The following ANKLE2 variants were observed in gnomAD, a reference collection of about 807,000 sequenced individuals.
ANKLE2 encodes ankyrin repeat and LEM domain containing 2, also known as ankyrin repeat and LEM domain-containing protein 2.
ANKLE2 carries 55 observed loss-of-function variants against 84.2 expected under a neutral mutation model. The observed-to-expected ratio is 0.65, with a 90% CI of 0.53 to 0.82. ANKLE2 has a LOEUF of 0.82. Among genes scored for constraint, ANKLE2 ranks in the 40% least tolerant of loss-of-function variants. The pLI is 0.00. For missense variants in ANKLE2, 1,238 were observed against 1,201.9 expected, an observed-to-expected ratio of 1.03 and a Z score of -0.44; for synonymous variants, 551 against 486.1, an observed-to-expected ratio of 1.13 and a Z score of -1.76.
chr12:132,752,041 T>C (rs2044368678), intron 2 of ANKLE2, among the ~76,000 whole-genome samples: 1 of 152,114 alleles, frequency 6.6e-6, no homozygotes, highest in South Asian at 2.1e-4. Flanking sequence ...TGTCCACTAC[T>C]GGATAAAAAT....
intron 10 of ANKLE2, chr12:132,733,934 C>T (rs1286869838): frequency 2.2e-6 from 1 of 456,720 alleles, no homozygotes; most frequent in Non-Finnish European, 4.4e-6. Context: ...AGCAATACTG[C>T]TCAAAGCGAT....
rs1433645713 is a variant in ANKLE2, at chr12:132,761,624, CG to C, written c.174del (p.Ala59ProfsTer5). 8.8e-6 allele frequency: 11 copies of C among 1,255,518 alleles called. No homozygotes were observed. The highest frequency in any genetic ancestry group is 1.0e-5 in the Non-Finnish European group (10 of 1,000,118). The allele number at this position is 1,255,518 out of a possible 1,614,324, so 77.8% of individuals were successfully genotyped here. A position where few individuals can be genotyped will look rare whatever the true frequency, so the allele number is the denominator to read the frequency against. On this transcript the variant is annotated frameshift_variant, in exon 1 of 13. Coordinates refer to ENST00000357997, the MANE Select transcript of ANKLE2 (RefSeq NM_015114.3). LOFTEE classifies it high-confidence loss of function. ...GCGACCGCCTGGGCCTTACCTGAGG[CG>C]GGGGCGGCGGCCGCGCTTGGCGGAG... ...PVPPPSAAAA[P>X]ASGEMTMDAL...
intron 10 of ANKLE2, among the ~76,000 whole-genome samples, chr12:132,732,693 G>A: frequency 8.8e-6 from 1 of 113,306 alleles, no homozygotes; most frequent in Non-Finnish European, 1.9e-5. Flanking sequence ...TCTGCGTCCT[G>A]GTGTCTGATA....
Position 132,761,708 on chromosome 12 carries a change from G to GC in ANKLE2, c.90dup (p.Leu31AlafsTer32). The GC allele has an allele frequency of 7.4e-7, 1 of 1,349,836 alleles. No individual in the cohort carries two copies. The highest frequency in any genetic ancestry group is 9.6e-7 in the Non-Finnish European group (1 of 1,042,884). The allele number at this position is 1,349,836 out of a possible 1,614,324, so 83.6% of individuals were successfully genotyped here. On this transcript the variant is annotated frameshift_variant, in exon 1 of 13. Coordinates refer to ENST00000357997, the MANE Select transcript of ANKLE2 (RefSeq NM_015114.3). LOFTEE classifies it high-confidence loss of function. ...GGCCGCGGGCCCAGCCGCCGCACCA[G>GC]CCACCGCACAGCGATCAGCAGCACC... is the stretch of plus-strand genomic sequence containing the variant.
At position 132,750,655 on chromosome 12, in the gene ANKLE2, C is replaced by A. The variant is rs2044334859; in HGVS notation, c.835G>T (p.Asp279Tyr). ...CTGCATGATTTACCTTTCAACCTGT[C>A]ATTGCTAAAGAGTGGAGCTGTTTTC... is the stretch of plus-strand genomic sequence containing the variant. ...PVKTAPLFSN[D>Y]RLKDGLCLSE... Residue 279 changes from aspartate (D) to tyrosine (Y), a missense_variant, in exon 3 of 13, where the codon GAC becomes TAC. Transcript: ENST00000357997. 1 of 1,614,048 alleles carries A rather than the reference C, an allele frequency of 6.2e-7. No homozygotes were observed. Among genetic ancestry groups the A allele is most frequent in the African/African-American group, 1.3e-5 (1 of 74,932 alleles).
Position 132,729,722 on chromosome 12 carries a change from G to A in ANKLE2, c.2440C>T (p.Leu814Phe). The change falls in exon 11 of 13, where the codon CTC (leucine) becomes TTC (phenylalanine). Residue 814 changes from leucine (L) to phenylalanine (F), a missense_variant. By Grantham distance (22) the Leu-to-Phe change is conservative. This residue lies in a region of ANKLE2 where 802 missense variants were observed against 774.5 expected (regional missense o/e 1.04). Coordinates refer to ENST00000357997, the MANE Select transcript of ANKLE2 (RefSeq NM_015114.3). ...SPSSPRHEDQ[L>F]EVTREPARRL... ...CTGGCCGGTTCCCTGGTGACCTCGA[G>A]CTGATCCTCGTGCCTGGGGCTGCTG... 6.2e-7 allele frequency: 1 copy of A among 1,610,338 alleles called. No homozygotes were observed. Among genetic ancestry groups the A allele is most frequent in the Non-Finnish European group, 8.5e-7 (1 of 1,179,222 alleles).
At position 132,728,094 on chromosome 12, in the gene ANKLE2, C is replaced by T; in HGVS notation, c.2553G>A (p.Gln851=). Residue 851 remains glutamine, a synonymous_variant, in exon 12 of 13, where the codon CAG becomes CAA. Coordinates refer to ENST00000357997, the MANE Select transcript of ANKLE2 (RefSeq NM_015114.3). The part of the protein sequence containing the change: ...ALECADVDPH[Q]FPAVHRWKSA... ...TCTTCCATCTGTGCACGGCCGGGAACTGATGGGGGTCGACGTCTGCACATT... is the reference window on the plus strand; with the variant it reads ...TCTTCCATCTGTGCACGGCCGGGAATTGATGGGGGTCGACGTCTGCACATT... 5.0e-6 allele frequency: 8 copies of T among 1,613,032 alleles called. No homozygotes were observed. The highest frequency in any genetic ancestry group is 6.8e-6 in the Non-Finnish European group (8 of 1,179,954).
intron 8 of ANKLE2, among the ~76,000 whole-genome samples, chr12:132,736,386 A>C (rs1349328329): frequency 6.6e-6 from 1 of 152,270 alleles, no homozygotes; most frequent in Non-Finnish European, 1.5e-5. Context: ...TGACCCAGCA[A>C]CACCACCATT....
At chr12:132,741,618 C>T (rs2044124745) in intron 6 of ANKLE2, 133 bp from the exon 7 acceptor site, 6 of 878,434 alleles carry the variant, frequency 6.8e-6, no homozygotes, top group Non-Finnish European at 8.9e-6. Context: ...TAATAAAGCT[C>T]ACACTCAGAA....
chr12:132,748,406 A>C lies in ANKLE2; in HGVS notation c.848-75T>G, dbSNP rs538145282. On this transcript the variant is annotated intron_variant, in intron 3 of 12. Transcript: ENST00000357997. The stretch of plus-strand genomic sequence containing the variant: ...CTCATCACCCATGCACCCTCTGATG[A>C]GGGATAAGCAGCTTTCCACAGAGGC... 43 of 1,537,200 alleles carry C rather than the reference A, an allele frequency of 2.8e-5. No homozygotes were observed. The African/African-American group carries it at 5.2e-4, about 18-fold the overall frequency.
intron 9 of ANKLE2, 38 bp downstream of exon 9, chr12:132,735,368 T>C (rs376887712): frequency 3.9e-6 from 6 of 1,553,864 alleles, no homozygotes; most frequent in Non-Finnish European, 5.3e-6. Context: ...TGCAACCAAC[T>C]GTGTGCCCCA....
chr12:132,760,476 C>G (rs896241690), intron 1 of ANKLE2: 1 of 152,402 alleles, frequency 6.6e-6, no homozygotes, highest in Non-Finnish European at 1.5e-5. Flanking sequence ...GACTGCCCCC[C>G]ACTTCCAGTG....
At chr12:132,745,996 A>C (rs1251935328) in intron 5 of ANKLE2, among the ~76,000 whole-genome samples, 2 of 152,212 alleles carry the variant, frequency 1.3e-5, no homozygotes, top group Admixed American at 1.3e-4. Flanking sequence ...CTAGGGGTAC[A>C]GGAAGTGGAC....
intron 1 of ANKLE2, chr12:132,755,685 C>T (rs1224275798): frequency 6.6e-6 from 1 of 151,714 alleles, no homozygotes; most frequent in African/African-American, 2.4e-5. Flanking sequence ...CTCAGCCTCC[C>T]AAGTAGCTGG....
At chr12:132,729,026 A>G (rs2043767289) in intron 11 of ANKLE2, among the ~76,000 whole-genome samples, 1 of 152,062 alleles carries the variant, frequency 6.6e-6, no homozygotes, top group Admixed American at 6.5e-5. Flanking sequence ...ACTCAGAGAC[A>G]GGAACTGAAC....
rs547830521 is a variant in ANKLE2 at position 132,755,239 on chromosome 12, T to G, written c.182-106A>C. On this transcript the variant is annotated intron_variant, in intron 1 of 12. Coordinates refer to ENST00000357997, the MANE Select transcript of ANKLE2 (RefSeq NM_015114.3). ...ATATAATGGCATCAGTTTCTGTTTC[T>G]TTCATTAAAAACTTTTTTTCTTGGC... 4 of 1,176,360 alleles carry G rather than the reference T, an allele frequency of 3.4e-6. No homozygotes were observed. The African/African-American group carries it at 4.6e-5, about 14-fold the overall frequency. The allele number at this position is 1,176,360 out of a possible 1,614,324, so 72.9% of individuals were successfully genotyped here. A position where few individuals can be genotyped will look rare whatever the true frequency, so the allele number is the denominator to read the frequency against.
chr12:132,742,403 T>C (rs11613456), intron 6 of ANKLE2: 57,803 of 153,228 alleles, frequency 0.38, 11,834 homozygotes, highest in Non-Finnish European at 0.46. Context: ...AAGATCCTTA[T>C]AGCTTTTATT....
chr12:132,729,061 C>A (rs1296942417), intron 11 of ANKLE2, among the ~76,000 whole-genome samples: 1 of 151,858 alleles, frequency 6.6e-6, no homozygotes. Context: ...CACACAAAAG[C>A]TTGTGTGGAG....
At chr12:132,727,975 C>T in intron 12 of ANKLE2, 57 bp downstream of exon 12, 1 of 1,565,144 alleles carries the variant, frequency 6.4e-7, no homozygotes, top group Non-Finnish European at 8.6e-7. Flanking sequence ...GAACTGGACC[C>T]TGCAGAAGTT....
Sources: gnomAD v4.1 joint callset for allele counts (sites outside exome capture counted in the v4.1 genomes callset) on GRCh38, gnomAD v4.1.1 for gene constraint, gnomAD v4.1.1 regional missense constraint, MANE v1.5 for transcripts, NCBI Gene and HGNC (gene_info 2026-07-23, HGNC 2026-07-21) for gene names.